ADGRL2: variants seen among roughly 807,000 people sequenced by gnomAD.
ADGRL2 encodes the protein adhesion G protein-coupled receptor L2.
Under a neutral mutation model 157.4 loss-of-function variants are expected in ADGRL2, and 44 were observed. The observed-to-expected ratio is 0.28, with a 90% CI of 0.22 to 0.36. ADGRL2 has a LOEUF of 0.36. ADGRL2 is among the 10% of genes least tolerant of loss of function. The probability of loss-of-function intolerance (pLI) is 1.00; values close to 1 mark genes in which losing one functional copy is unlikely to be tolerated. For missense variants in ADGRL2, 1,510 were observed against 1,768.9 expected (o/e 0.85, Z 2.63); for synonymous variants, 585 against 624.7 (o/e 0.94, Z 0.95).
chr1:81,320,197 T>C (rs1352754402), intron 1 of ADGRL2, among the ~76,000 whole-genome samples: 1 of 152,238 alleles, frequency 6.6e-6, no homozygotes, highest in Non-Finnish European at 1.5e-5. Context: ...GTCATGAGTC[T>C]GTAGCAATTC....
chr1:81,972,792 GTCCCAGATAC>G (rs1659116528), intron 17 of ADGRL2, among the ~76,000 whole-genome samples: 1 of 151,708 alleles, frequency 6.6e-6, no homozygotes, highest in African/African-American at 2.4e-5. Context: ...CATTCCTGTA[GTCCCAGATAC>G]TCAGGAGGCA....
At chr1:81,456,008 A>G (rs1342985616) in intron 2 of ADGRL2, among the ~76,000 whole-genome samples, 4 of 152,208 alleles carry the variant, frequency 2.6e-5, no homozygotes, top group Non-Finnish European at 1.5e-5. Context: ...GATTTTAAAA[A>G]CTTATTTTTA....
chr1:81,760,735 T>A (rs2085851791), intron 1 of ADGRL2, among the ~76,000 whole-genome samples: 1 of 146,200 alleles, frequency 6.8e-6, no homozygotes, highest in Admixed American at 6.9e-5. Context: ...TTTTTTTTTT[T>A]AGCAGATTGA....
chr1:81,989,907 G>A (rs1387706338), intron 23 of ADGRL2: 2 of 985,192 alleles, frequency 2.0e-6, no homozygotes, highest in Non-Finnish European at 2.4e-6. Flanking sequence ...CAGTTATGTG[G>A]GTTTATGTTG....
intron 2 of ADGRL2, among the ~76,000 whole-genome samples, chr1:81,550,021 T>G (rs565937284): frequency 6.6e-6 from 1 of 152,274 alleles, no homozygotes; most frequent in South Asian, 2.1e-4. Context: ...AACTTCAGGA[T>G]TTGCCATTGG....
chr1:81,323,411 A>AT (rs138358062), intron 1 of ADGRL2, among the ~76,000 whole-genome samples: 32,275 of 109,540 alleles, frequency 0.29, 5,348 homozygotes, highest in East Asian at 0.49. Context: ...GACTAATTCA[A>AT]TTTTTTTTTT....
At chr1:81,425,410 T>TA (rs5775615) in intron 1 of ADGRL2, among the ~76,000 whole-genome samples, 74,921 of 150,826 alleles carry the variant, frequency 0.5, 18,799 homozygotes, top group Non-Finnish European at 0.54. Context: ...TAGAACCAAT[T>TA]AAAAAAAAAA....
intron 10 of ADGRL2, 64 bp downstream of exon 10, chr1:81,953,089 C>A: frequency 7.6e-7 from 1 of 1,316,692 alleles, no homozygotes; most frequent in Non-Finnish European, 1.1e-6. Flanking sequence ...GCTTTATCAT[C>A]TTGCTGCATG....
chr1:81,956,011 T>G lies in ADGRL2; in HGVS notation c.1968T>G (p.Ala656=). ...TGGAAGAAGGAGCTTTTGTCCTAGC[T>G]GACAATCTTTTAGAACCAACAAGGG... ...DTLEEGAFVL[A]DNLLEPTRVS... Residue 656 remains alanine, a synonymous_variant, in exon 11 of 24, where the codon GCT becomes GCG. Coordinates refer to ENST00000686636, the MANE Select transcript of ADGRL2 (RefSeq NM_001366006.2). The G allele has an allele frequency of 6.2e-7, 1 of 1,611,864 alleles. No homozygotes were observed. The highest frequency in any genetic ancestry group is 8.5e-7 in the Non-Finnish European group (1 of 1,179,064).
chr1:81,323,548 C>T (rs1474891901), intron 1 of ADGRL2, among the ~76,000 whole-genome samples: 1 of 151,878 alleles, frequency 6.6e-6, no homozygotes, highest in East Asian at 1.9e-4. Context: ...CCACTACACC[C>T]AGCCAAGAAA....
At chr1:81,542,640 A>G (rs2079912531) in intron 2 of ADGRL2, among the ~76,000 whole-genome samples, 1 of 152,182 alleles carries the variant, frequency 6.6e-6, no homozygotes, top group Non-Finnish European at 1.5e-5. Context: ...TAACATTTCC[A>G]CTGTGGGAAG....
chr1:81,480,880 T>C (rs1190322053), intron 2 of ADGRL2, among the ~76,000 whole-genome samples: 2 of 152,194 alleles, frequency 1.3e-5, no homozygotes. Context: ...ATATTACTTG[T>C]TGTGACAATT....
chr1:81,782,907 G>A (rs559136648), intron 2 of ADGRL2, among the ~76,000 whole-genome samples: 2 of 152,226 alleles, frequency 1.3e-5, no homozygotes, highest in East Asian at 1.9e-4. Flanking sequence ...GCACAGGGAA[G>A]GATCAGAGTA....
At chr1:81,704,016 C>A (rs1352097662) in intron 1 of ADGRL2, among the ~76,000 whole-genome samples, 3 of 152,182 alleles carry the variant, frequency 2.0e-5, no homozygotes, top group Non-Finnish European at 4.4e-5. Context: ...CCCCTTCCCC[C>A]TGCTCATCTT....
chr1:81,809,743 C>G (rs12730336), intron 1 of ADGRL2, among the ~76,000 whole-genome samples: 3 of 151,722 alleles, frequency 2.0e-5, no homozygotes, highest in African/African-American at 4.8e-5. Context: ...GTCTGTTTCT[C>G]TGTATATATC....
At chr1:81,936,369 T>C (rs1389238375) in intron 3 of ADGRL2, among the ~76,000 whole-genome samples, 1 of 151,932 alleles carries the variant, frequency 6.6e-6, no homozygotes, top group African/African-American at 2.4e-5. Context: ...AATATCCTAG[T>C]AAGATATATC....
intron 1 of ADGRL2, among the ~76,000 whole-genome samples, chr1:81,348,500 C>T (rs1156805856): frequency 6.6e-6 from 1 of 151,980 alleles, no homozygotes; most frequent in East Asian, 1.9e-4. Flanking sequence ...TTGTTGAAAA[C>T]AATTTTATTA....
Position 81,811,894 on chromosome 1 carries a change from A to G in ADGRL2, c.-101+10826A>G, listed in dbSNP as rs374084200. On this transcript the variant is annotated intron_variant, in intron 1 of 23. Transcript: ENST00000686636. Reference sequence around the variant, plus strand: ...CAGCTTTTTTTTTTTGGAGTGGTCTATCATTTCAGGCTGGTGCTGTGTAAG... The same window carrying G: ...CAGCTTTTTTTTTTTGGAGTGGTCTGTCATTTCAGGCTGGTGCTGTGTAAG... Among the ~76,000 whole-genome samples the G allele has an allele frequency of 3.4e-3, 521 of 151,314 alleles. 4 individuals carry two copies. The highest frequency in any genetic ancestry group is 0.012 in the African/African-American group (483 of 41,334).
intron 1 of ADGRL2, among the ~76,000 whole-genome samples, chr1:81,390,017 C>A (rs1423407491): frequency 6.6e-6 from 1 of 151,980 alleles, no homozygotes; most frequent in Non-Finnish European, 1.5e-5. Context: ...AGGTAATGGT[C>A]TTAAATGTTC....
Sources: allele counts gnomAD v4.1 joint callset (sites outside exome capture counted in the v4.1 genomes callset), GRCh38; gene constraint gnomAD v4.1.1; transcripts MANE v1.5; gene names NCBI Gene and HGNC (gene_info 2026-07-23, HGNC 2026-07-21).